DLG2: variants seen among roughly 807,000 people sequenced by gnomAD.
The protein encoded by DLG2 is disks large homolog 2.
In DLG2, 45 loss-of-function variants were observed where a neutral mutation model predicts 132.5. That is an observed-to-expected ratio of 0.34 (90% CI 0.27 to 0.44). The LOEUF is 0.44. DLG2 is among the 20% of genes least tolerant of loss of function. DLG2 has a pLI of 1.00. For synonymous variants in DLG2, 424 were observed against 419.6 expected (o/e 1.01, Z -0.13); for missense variants, 1,045 against 1,196.9 (o/e 0.87, Z 1.87).
intron 7 of DLG2, among the ~76,000 whole-genome samples, chr11:84,349,563 A>G (rs1380648773): frequency 6.6e-6 from 1 of 152,224 alleles, no homozygotes; most frequent in Non-Finnish European, 1.5e-5. Context: ...TGGATGTGAA[A>G]CTTCTATGCT....
intron 6 of DLG2, among the ~76,000 whole-genome samples, chr11:84,931,145 C>A (rs2048037792): frequency 6.6e-6 from 1 of 152,070 alleles, no homozygotes; most frequent in Admixed American, 6.6e-5. Context: ...GTTTCCCCAC[C>A]ACAACCTTTC....
At chr11:83,705,682 T>A (rs2083794369) in intron 18 of DLG2, among the ~76,000 whole-genome samples, 1 of 152,148 alleles carries the variant, frequency 6.6e-6, no homozygotes, top group Non-Finnish European at 1.5e-5. Flanking sequence ...ATCAATTAAA[T>A]AAAGTAGAAA....
rs58905339 is a variant in DLG2 at position 84,201,808 on chromosome 11, C to CTTT, written c.574-38300_574-38298dup. 4.3e-4 allele frequency among the ~76,000 whole-genome samples: 28 copies of CTTT among 64,586 alleles called. 6 individuals are homozygous for CTTT. Among genetic ancestry groups the CTTT allele is most frequent in the African/African-American group, 7.3e-4 (11 of 14,990 alleles). The allele number at this position is 64,586 out of a possible 152,430, so 42.4% of individuals were successfully genotyped here. On this transcript the variant is annotated intron_variant, in intron 8 of 27. Coordinates refer to ENST00000376104, the MANE Select transcript of DLG2 (RefSeq NM_001142699.3). ...TCACAGAGTTAGAAGAAACTATTTT[C>CTTT]TTTTTTTTTTTTTTTTTTTTTTTTT...
At chr11:85,107,606 CTG>C (rs1370958282) in intron 6 of DLG2, among the ~76,000 whole-genome samples, 2 of 151,970 alleles carry the variant, frequency 1.3e-5, no homozygotes, top group East Asian at 1.9e-4. Context: ...GTCCTAGAAA[CTG>C]TGGACATTTT....
intron 4 of DLG2, among the ~76,000 whole-genome samples, chr11:85,211,558 G>C (rs2082256491): frequency 1.3e-5 from 2 of 151,604 alleles, no homozygotes; most frequent in Non-Finnish European, 2.9e-5. Context: ...ATCCCTTGCT[G>C]TATAAGAGTA....
chr11:83,580,199 T>C (rs79694223), intron 19 of DLG2, among the ~76,000 whole-genome samples: 5 of 152,128 alleles, frequency 3.3e-5, no homozygotes, highest in African/African-American at 1.2e-4. Context: ...TGCAACATCA[T>C]TGTACTCATG....
intron 11 of DLG2, among the ~76,000 whole-genome samples, chr11:84,005,334 T>C (rs1184951207): frequency 6.6e-6 from 1 of 151,864 alleles, no homozygotes; most frequent in Non-Finnish European, 1.5e-5. Flanking sequence ...TCTGATCATA[T>C]ACAAAAATCA....
chr11:85,312,934 C>T (rs2080408376), intron 3 of DLG2, among the ~76,000 whole-genome samples: 1 of 151,940 alleles, frequency 6.6e-6, no homozygotes, highest in Non-Finnish European at 1.5e-5. Flanking sequence ...TCTTTAGGAA[C>T]TATGGCAGAG....
intron 8 of DLG2, among the ~76,000 whole-genome samples, chr11:84,231,305 C>A (rs969331734): frequency 6.6e-6 from 1 of 152,302 alleles, no homozygotes; most frequent in East Asian, 1.9e-4. Flanking sequence ...GAGCACCTTA[C>A]AAGCCATGGG....
At chr11:84,193,196 C>A (rs1379598853) in intron 8 of DLG2, among the ~76,000 whole-genome samples, 1 of 152,146 alleles carries the variant, frequency 6.6e-6, no homozygotes, top group African/African-American at 2.4e-5. Context: ...AGGACTACAT[C>A]CCTGGCCCCG....
chr11:84,152,381 T>C (rs1480117390), intron 9 of DLG2, among the ~76,000 whole-genome samples: 1 of 151,910 alleles, frequency 6.6e-6, no homozygotes, highest in Non-Finnish European at 1.5e-5. Context: ...TCTGCTCTTT[T>C]TTGTTTTCTC....
intron 18 of DLG2, among the ~76,000 whole-genome samples, chr11:83,728,039 T>A (rs1172680075): frequency 6.6e-6 from 1 of 152,122 alleles, no homozygotes; most frequent in Non-Finnish European, 1.5e-5. Flanking sequence ...GCCTCAAACC[T>A]CCACATCTAA....
chr11:83,473,589 C>G (rs2092316636), intron 22 of DLG2, among the ~76,000 whole-genome samples: 1 of 152,022 alleles, frequency 6.6e-6, no homozygotes. Flanking sequence ...CACCTGCAAA[C>G]CCGGAAGTGT....
intron 6 of DLG2, chr11:84,997,505 G>C (rs145878093): frequency 7.9e-5 from 12 of 152,118 alleles, no homozygotes; most frequent in African/African-American, 2.7e-4. Flanking sequence ...ACTCTCTAAG[G>C]TTCTTTGTCC....
At chr11:83,626,228 A>G (rs2062500904) in intron 19 of DLG2, among the ~76,000 whole-genome samples, 1 of 152,230 alleles carries the variant, frequency 6.6e-6, no homozygotes, top group Non-Finnish European at 1.5e-5. Context: ...CAGGGAGTCA[A>G]TAGGCATGTT....
intron 3 of DLG2, among the ~76,000 whole-genome samples, chr11:85,557,677 C>T (rs1279677639): frequency 6.6e-6 from 1 of 151,790 alleles, no homozygotes; most frequent in Non-Finnish European, 1.5e-5. Context: ...TGATCTTTGA[C>T]AAAGTCCAGC....
intron 18 of DLG2, among the ~76,000 whole-genome samples, chr11:83,690,018 ATAAATATTTATG>A (rs1224357183): frequency 2.1e-5 from 3 of 145,334 alleles, no homozygotes; most frequent in African/African-American, 7.5e-5. Flanking sequence ...ATAATATTTA[ATAAATATTTATG>A]TAAATATAAA....
intron 6 of DLG2, among the ~76,000 whole-genome samples, chr11:85,106,080 T>C (rs1454977444): frequency 1.3e-5 from 2 of 151,868 alleles, no homozygotes; most frequent in African/African-American, 4.8e-5. Flanking sequence ...TGATCCTGAA[T>C]GTGGGTAATG....
chr11:85,252,590 A>T (rs1281498867), intron 4 of DLG2, among the ~76,000 whole-genome samples: 15 of 152,192 alleles, frequency 9.9e-5, no homozygotes, highest in African/African-American at 3.6e-4. Flanking sequence ...TGTCTCAAAA[A>T]AATAAAAAAT....
Sources: allele counts gnomAD v4.1 joint callset (sites outside exome capture counted in the v4.1 genomes callset), GRCh38; gene constraint gnomAD v4.1.1; transcripts MANE v1.5; gene names NCBI Gene and HGNC (gene_info 2026-07-23, HGNC 2026-07-21).